Variants in IRAK2 observed in about 807,000 individuals in gnomAD.
IRAK2 encodes interleukin 1 receptor associated kinase 2, also known as interleukin-1 receptor-associated kinase-like 2.
A neutral mutation model predicts 72.0 loss-of-function variants in IRAK2; 57 were observed. The ratio of observed to expected loss-of-function variants is 0.79; its 90% CI spans 0.64 to 0.99. The LOEUF is 0.99. Among genes scored for constraint, IRAK2 ranks in the 50% least tolerant of loss-of-function variants. IRAK2 has a pLI of 0.00. For missense variants in IRAK2, 790 were observed against 794.4 expected (o/e 0.99, Z 0.07); for synonymous variants, 293 against 312.7 (o/e 0.94, Z 0.67).
intron 2 of IRAK2, among the ~76,000 whole-genome samples, chr3:10,195,548 CAAA>C (rs553829037): frequency 3.2e-5 from 4 of 125,688 alleles, no homozygotes; most frequent in Admixed American, 8.1e-5. Flanking sequence ...CACCCTGTCT[CAAA>C]AAAAAAAAAA....
Position 10,239,057 on chromosome 3 carries a change from G to A in IRAK2, c.1765+18G>A, listed in dbSNP as rs1698012523. The A allele has an allele frequency of 1.3e-6, 2 of 1,566,264 alleles. No homozygotes were observed. Among genetic ancestry groups the A allele is most frequent in the Non-Finnish European group, 1.7e-6 (2 of 1,159,072 alleles). On this transcript the variant is annotated intron_variant, in intron 12 of 12. Transcript: ENST00000256458. Reference sequence around the variant, plus strand: ...CCAGGATGGTAAGCCGGAAGTCAGAGTGCATTTGGATGCTCATGTGTGTGT... The same window carrying A: ...CCAGGATGGTAAGCCGGAAGTCAGAATGCATTTGGATGCTCATGTGTGTGT...
chr3:10,184,504 C>T (rs1378522759), intron 2 of IRAK2, among the ~76,000 whole-genome samples: 1 of 147,608 alleles, frequency 6.8e-6, no homozygotes, highest in Non-Finnish European at 1.5e-5. Context: ...CTCTAATGGC[C>T]CCAGTGACCC....
chr3:10,204,020 G>C (rs956095148), intron 3 of IRAK2, among the ~76,000 whole-genome samples: 2 of 152,350 alleles, frequency 1.3e-5, no homozygotes, highest in East Asian at 3.9e-4. Context: ...GTTTTGAGCA[G>C]CTGAAATAAC....
intron 1 of IRAK2, among the ~76,000 whole-genome samples, chr3:10,172,579 C>A (rs1696814391): frequency 7.0e-6 from 1 of 142,168 alleles, no homozygotes; most frequent in African/African-American, 2.6e-5. Context: ...GTGGCTCATG[C>A]CTGTAATCCC....
In IRAK2 at chr3:10,176,089, T is replaced by C. The variant is rs1696871531; in HGVS notation, c.95-1749T>C. Among the ~76,000 whole-genome samples, 4 of 126,630 alleles carry C rather than the reference T, an allele frequency of 3.2e-5. No individual in the cohort carries two copies. In the South Asian group the frequency reaches 9.2e-4, roughly 29 times the overall value. The allele number at this position is 126,630 out of a possible 152,430, so 83.1% of individuals were successfully genotyped here. A position where few individuals can be genotyped will look rare whatever the true frequency, so the allele number is the denominator to read the frequency against. The stretch of plus-strand genomic sequence containing the variant: ...TGTTTTTTTTTTTTTTTTTTTTTTT[T>C]GGTGAACAACCATCAATTTTATGGT... On this transcript the variant is annotated intron_variant, in intron 1 of 12. Coordinates refer to ENST00000256458, the MANE Select transcript of IRAK2 (RefSeq NM_001570.4).
At chr3:10,189,194 G>A (rs1035589307) in intron 2 of IRAK2, among the ~76,000 whole-genome samples, 2 of 152,222 alleles carry the variant, frequency 1.3e-5, no homozygotes, top group African/African-American at 4.8e-5. Context: ...GATCTCATCA[G>A]GGGAAGTTTC....
At chr3:10,233,904 A>G (rs1697906852) in intron 10 of IRAK2, among the ~76,000 whole-genome samples, 2 of 152,106 alleles carry the variant, frequency 1.3e-5, no homozygotes, top group Non-Finnish European at 2.9e-5. Context: ...GCTGGAGTGC[A>G]GTGGCGTGAT....
chr3:10,215,153 G>A (rs1313238766), intron 6 of IRAK2, among the ~76,000 whole-genome samples: 3 of 151,852 alleles, frequency 2.0e-5, no homozygotes, highest in Admixed American at 6.6e-5. Flanking sequence ...TTGGGAGGCC[G>A]AGGTGGGCAG....
chr3:10,180,310 C>CAATGTGACAGGTCCTCCGCCCT (rs1696941280), intron 2 of IRAK2, among the ~76,000 whole-genome samples: 1 of 152,124 alleles, frequency 6.6e-6, no homozygotes, highest in Non-Finnish European at 1.5e-5. Flanking sequence ...ACAGCACAGG[C>CAATGTGACAGGTCCTCCGCCCT]AATGTGACAG....
At chr3:10,200,110 A>G in intron 2 of IRAK2, among the ~76,000 whole-genome samples, 1 of 151,784 alleles carries the variant, frequency 6.6e-6, no homozygotes, top group East Asian at 1.9e-4. Flanking sequence ...CTGGTCTCGA[A>G]CTCCTGACCT....
At chr3:10,241,801 CA>C (rs4019566) in intron 12 of IRAK2, among the ~76,000 whole-genome samples, 93 of 83,126 alleles carry the variant, frequency 1.1e-3, no homozygotes, top group African/African-American at 1.8e-3. Flanking sequence ...GACTCCATCT[CA>C]AAAAAAAAAA....
intron 2 of IRAK2, among the ~76,000 whole-genome samples, chr3:10,198,781 G>A (rs957937684): frequency 3.3e-5 from 5 of 152,200 alleles, no homozygotes; most frequent in African/African-American, 1.2e-4. Flanking sequence ...TGCTGGAGAT[G>A]TTTTGTCCCA....
chr3:10,226,839 G>T (rs11465922), intron 10 of IRAK2, among the ~76,000 whole-genome samples: 1 of 151,686 alleles, frequency 6.6e-6, no homozygotes, highest in Non-Finnish European at 1.5e-5. Flanking sequence ...CCAGCTACTC[G>T]GGAGGCTGAG....
chr3:10,169,847 T>C (rs1178870531), intron 1 of IRAK2, among the ~76,000 whole-genome samples: 1 of 152,232 alleles, frequency 6.6e-6, no homozygotes, highest in Middle Eastern at 3.2e-3. Flanking sequence ...AGAGTATAAA[T>C]GTCCATAAAA....
At chr3:10,241,622 C>T (rs1292031607) in intron 12 of IRAK2, among the ~76,000 whole-genome samples, 2 of 148,854 alleles carry the variant, frequency 1.3e-5, no homozygotes, top group East Asian at 2.1e-4. Context: ...ACAGGCCGGG[C>T]GTGGTGGCTC....
At chr3:10,241,986 G>GAAAA (rs56369677) in intron 12 of IRAK2, 130 bp from the exon 13 acceptor site, 19 of 365,568 alleles carry the variant, frequency 5.2e-5, no homozygotes, top group East Asian at 1.6e-4. Flanking sequence ...AAAAAAAAAA[G>GAAAA]AAAAAAAAAA....
At chr3:10,184,362 CA>C (rs1323082679) in intron 2 of IRAK2, among the ~76,000 whole-genome samples, 1 of 152,218 alleles carries the variant, frequency 6.6e-6, no homozygotes, top group Non-Finnish European at 1.5e-5. Context: ...CCATTTTGGC[CA>C]CCCAGATATC....
Position 10,234,414 on chromosome 3 carries a change from A to G in IRAK2, c.1273-45A>G, listed in dbSNP as rs201381849. On this transcript the variant is annotated intron_variant, in intron 10 of 12. Transcript: ENST00000256458. ...GTGGGGCGCGTGCGTTGGCTCTCGC[A>G]GCTCTGCAGCTCACGCAAGGGCGTT... The G allele has an allele frequency of 1.5e-4, 237 of 1,558,164 alleles. 1 individual carries two copies. In the Middle Eastern group the frequency reaches 1.8e-3, roughly 12 times the overall value.
chr3:10,233,111 G>A (rs1424116245), intron 10 of IRAK2, among the ~76,000 whole-genome samples: 1 of 152,006 alleles, frequency 6.6e-6, no homozygotes, highest in African/African-American at 2.4e-5. Context: ...ATGCAGTGGC[G>A]CAATCTTGGC....
Sources: gnomAD v4.1 joint callset for allele counts (sites outside exome capture counted in the v4.1 genomes callset) on GRCh38, gnomAD v4.1.1 for gene constraint, MANE v1.5 for transcripts, NCBI Gene and HGNC (gene_info 2026-07-23, HGNC 2026-07-21) for gene names.